Variants in PALM2AKAP2 observed in about 807,000 individuals in gnomAD.
PALM2AKAP2 encodes the protein PALM2-AKAP2 fusion protein.
A neutral mutation model predicts 71.5 loss-of-function variants in PALM2AKAP2; 37 were observed. The ratio of observed to expected loss-of-function variants is 0.52; its 90% CI spans 0.40 to 0.68. PALM2AKAP2 has a LOEUF of 0.68. Ranked by LOEUF, PALM2AKAP2 falls within the 30% of genes least tolerant of loss-of-function variation. The pLI is 0.00. For missense variants in PALM2AKAP2, 1,224 were observed against 1,191.8 expected, an observed-to-expected ratio of 1.03 and a Z score of -0.40; for synonymous variants, 468 against 478.8, an observed-to-expected ratio of 0.98 and a Z score of 0.29.
intron 1 of PALM2AKAP2, among the ~76,000 whole-genome samples, chr9:110,104,140 A>G (rs1835061305): frequency 7.9e-6 from 1 of 126,594 alleles, no homozygotes; most frequent in Non-Finnish European, 1.6e-5. Context: ...TTTGTCTGCA[A>G]CTGAACAGCC....
At chr9:109,931,723 C>T (rs1229772700) in intron 5 of PALM2AKAP2, among the ~76,000 whole-genome samples, 1 of 152,220 alleles carries the variant, frequency 6.6e-6, no homozygotes, top group Admixed American at 6.5e-5. Context: ...GGCTTGAGCT[C>T]TCTGGCCAGG....
At chr9:109,930,191 C>CTCATTCCT (rs554652563) in intron 5 of PALM2AKAP2, among the ~76,000 whole-genome samples, 170 of 152,198 alleles carry the variant, frequency 1.1e-3, no homozygotes, top group African/African-American at 4.0e-3. Flanking sequence ...ATCTTCCTTT[C>CTCATTCCT]TCATTCCTTC....
chr9:109,907,702 A>G (rs1457240368), intron 3 of PALM2AKAP2, among the ~76,000 whole-genome samples: 1 of 152,224 alleles, frequency 6.6e-6, no homozygotes, highest in African/African-American at 2.4e-5. Context: ...AGGAACTCTT[A>G]CAATAACTCT....
intron 1 of PALM2AKAP2, among the ~76,000 whole-genome samples, chr9:109,797,209 A>G (rs1222597837): frequency 6.6e-6 from 1 of 151,820 alleles, no homozygotes; most frequent in Non-Finnish European, 1.5e-5. Context: ...TTTGGCCGCT[A>G]TCTAAGTTCT....
At chr9:109,962,825 TA>T (rs1187826081) in intron 6 of PALM2AKAP2, among the ~76,000 whole-genome samples, 1 of 152,154 alleles carries the variant, frequency 6.6e-6, no homozygotes, top group Non-Finnish European at 1.5e-5. Flanking sequence ...GTATTTTTAG[TA>T]GAGATGAGAT....
chr9:109,659,954 C>T (rs1303894678), intron 1 of PALM2AKAP2, among the ~76,000 whole-genome samples: 1 of 152,072 alleles, frequency 6.6e-6, no homozygotes, highest in Non-Finnish European at 1.5e-5. Flanking sequence ...GATTCCCCTC[C>T]CTCAGTATCC....
At chr9:109,841,366 T>TG (rs1199606272) in intron 1 of PALM2AKAP2, among the ~76,000 whole-genome samples, 9 of 80,002 alleles carry the variant, frequency 1.1e-4, no homozygotes, top group Admixed American at 3.2e-4. Context: ...GGGCCTGTTG[T>TG]GGGGTGGGGG....
chr9:110,168,457 C>A, exon 4 of PALM2AKAP2: 1 of 1,614,186 alleles, frequency 6.2e-7, no homozygotes, highest in Non-Finnish European at 8.5e-7. Context: ...CGCTGGGAAG[C>A]AGGGATCTAT....
rs185455555 is a variant in PALM2AKAP2 at position 110,033,547 on chromosome 9, A to G, written c.582+17508A>G. Among the ~76,000 whole-genome samples, 16 of 152,326 alleles carry G rather than the reference A, an allele frequency of 1.1e-4. No homozygotes were observed. In the East Asian group the frequency reaches 3.1e-3, roughly 29 times the overall value. ...TACCATTTTTTGTCCCATTGTGCAGATGAAGAAATCAACACTTTGAGAAGG... is the reference window on the plus strand; with the variant it reads ...TACCATTTTTTGTCCCATTGTGCAGGTGAAGAAATCAACACTTTGAGAAGG... On this transcript the variant is annotated intron_variant, in intron 7 of 9. Transcript: ENST00000302798.
chr9:109,675,911 T>C (rs1827641574), intron 1 of PALM2AKAP2, among the ~76,000 whole-genome samples: 1 of 152,172 alleles, frequency 6.6e-6, no homozygotes, highest in Non-Finnish European at 1.5e-5. Flanking sequence ...TTTCAAATGA[T>C]GATGGAAAAC....
chr9:109,754,886 C>T (rs377666808), intron 1 of PALM2AKAP2, among the ~76,000 whole-genome samples: 1 of 152,112 alleles, frequency 6.6e-6, no homozygotes, highest in Non-Finnish European at 1.5e-5. Context: ...ACACAACATT[C>T]AGGCCATAGC....
chr9:109,674,788 G>A (rs1308630294), intron 1 of PALM2AKAP2, among the ~76,000 whole-genome samples: 2 of 151,942 alleles, frequency 1.3e-5, no homozygotes, highest in African/African-American at 4.8e-5. Flanking sequence ...ATAAGAATAT[G>A]AATAAAATAA....
At chr9:109,780,938 C>T (rs963385730) in intron 1 of PALM2AKAP2, among the ~76,000 whole-genome samples, 2 of 152,154 alleles carry the variant, frequency 1.3e-5, no homozygotes, top group Admixed American at 6.5e-5. Context: ...AAGCTGTCCT[C>T]CTGTTAAGTG....
At chr9:109,993,561 A>G (rs151223150) in intron 6 of PALM2AKAP2, among the ~76,000 whole-genome samples, 32 of 152,316 alleles carry the variant, frequency 2.1e-4, no homozygotes, top group African/African-American at 7.2e-4. Flanking sequence ...AACTAGGAAT[A>G]GAAGAGGGTA....
intron 1 of PALM2AKAP2, among the ~76,000 whole-genome samples, chr9:109,744,224 G>C (rs1486669176): frequency 6.6e-6 from 1 of 152,174 alleles, no homozygotes; most frequent in African/African-American, 2.4e-5. Flanking sequence ...GAGAGATATT[G>C]TTAGATGTGG....
chr9:110,144,084 C>G (rs1836102783), intron 2 of PALM2AKAP2, among the ~76,000 whole-genome samples: 1 of 152,246 alleles, frequency 6.6e-6, no homozygotes, highest in East Asian at 1.9e-4. Context: ...TCCACACATT[C>G]TTCATGAAGC....
At chr9:110,071,492 G>A (rs929888886) in intron 1 of PALM2AKAP2, among the ~76,000 whole-genome samples, 1 of 152,220 alleles carries the variant, frequency 6.6e-6, no homozygotes, top group African/African-American at 2.4e-5. Flanking sequence ...CTCCCAGGAT[G>A]TAGTCTATCT....
intron 6 of PALM2AKAP2, among the ~76,000 whole-genome samples, chr9:109,988,490 G>C (rs1832417822): frequency 6.6e-6 from 1 of 151,570 alleles, no homozygotes; most frequent in African/African-American, 2.4e-5. Flanking sequence ...TTAAAAGTAG[G>C]GGAAAATAAA....
chr9:109,917,198 G>A (rs546676857), intron 3 of PALM2AKAP2, among the ~76,000 whole-genome samples: 12 of 152,328 alleles, frequency 7.9e-5, no homozygotes, highest in Admixed American at 2.0e-4. Context: ...GGCACGGAAC[G>A]TGGGTGACCT....
Sources: gnomAD v4.1 joint callset for allele counts (sites outside exome capture counted in the v4.1 genomes callset) on GRCh38, gnomAD v4.1.1 for gene constraint, MANE v1.5 for transcripts, NCBI Gene and HGNC (gene_info 2026-07-23, HGNC 2026-07-21) for gene names.